The following EHBP1 variants were observed in gnomAD, a reference collection of about 807,000 sequenced individuals.
The protein encoded by EHBP1 is EH domain binding protein 1, also known as EH domain-binding protein 1.
A neutral mutation model predicts 144.0 loss-of-function variants in EHBP1; 55 were observed. The ratio of observed to expected loss-of-function variants is 0.38; its 90% CI spans 0.31 to 0.48. The LOEUF (loss-of-function observed/expected upper bound fraction) is 0.48. Among genes scored for constraint, EHBP1 ranks in the 20% least tolerant of loss-of-function variants. The pLI is 0.98. For missense variants in EHBP1, 1,200 were observed against 1,364.2 expected (o/e 0.88, Z 1.90); for synonymous variants, 469 against 472.7 (o/e 0.99, Z 0.10).
intron 3 of EHBP1, among the ~76,000 whole-genome samples, chr2:62,754,310 G>C (rs1467862605): frequency 1.3e-5 from 2 of 152,132 alleles, no homozygotes; most frequent in African/African-American, 2.4e-5. Flanking sequence ...AACAGCAAAT[G>C]TTGCTGAACA....
intron 14 of EHBP1, among the ~76,000 whole-genome samples, chr2:62,963,875 A>G (rs556603834): frequency 5.9e-5 from 9 of 152,322 alleles, no homozygotes; most frequent in African/African-American, 1.9e-4. Flanking sequence ...TTACTTCAAC[A>G]CAATCACCAA....
chr2:62,715,984 A>G (rs1254174094), intron 2 of EHBP1, among the ~76,000 whole-genome samples: 1 of 152,080 alleles, frequency 6.6e-6, no homozygotes, highest in Admixed American at 6.5e-5. Context: ...TCTTGGAGTA[A>G]GAGAACATCT....
chr2:62,955,542 A>AACTT lies in EHBP1; in HGVS notation c.2344_2347dup (p.Lys783ThrfsTer2). On this transcript the variant is annotated frameshift_variant, in exon 14 of 23. Transcript: ENST00000431489. LOFTEE classifies it high-confidence loss of function. ...CATCGATTGTTATCTAGACAAGAAG[A>AACTT]ACTTAAGGAAAGAGCAAGAGTTCTG... is the stretch of plus-strand genomic sequence containing the variant. 6.2e-7 allele frequency: 1 copy of AACTT among 1,612,398 alleles called. No individual in the cohort carries two copies. The highest frequency in any genetic ancestry group is 8.5e-7 in the Non-Finnish European group (1 of 1,179,056).
chr2:62,891,166 A>C, intron 10 of EHBP1, among the ~76,000 whole-genome samples: 1 of 151,856 alleles, frequency 6.6e-6, no homozygotes, highest in African/African-American at 2.4e-5. Flanking sequence ...GACAAAAAAA[A>C]AAAAAAAAGT....
intron 7 of EHBP1, among the ~76,000 whole-genome samples, chr2:62,845,104 T>C (rs1214488783): frequency 6.6e-6 from 1 of 151,630 alleles, no homozygotes; most frequent in East Asian, 1.9e-4. Flanking sequence ...TTTTTTTTTT[T>C]CCTTTTAATA....
At chr2:62,833,884 G>A (rs1347154209) in intron 7 of EHBP1, among the ~76,000 whole-genome samples, 1 of 152,212 alleles carries the variant, frequency 6.6e-6, no homozygotes, top group Non-Finnish European at 1.5e-5. Flanking sequence ...TAAGAATTTT[G>A]TGATTCATGG....
intron 1 of EHBP1, 50 bp downstream of exon 1, chr2:62,706,102 T>G (rs1010347729): frequency 6.6e-6 from 1 of 152,480 alleles, no homozygotes; most frequent in Non-Finnish European, 1.5e-5. Flanking sequence ...GGGCTCGGGG[T>G]CCGGGCTGGG....
chr2:62,888,377 T>C (rs2052121954), intron 10 of EHBP1, among the ~76,000 whole-genome samples: 2 of 152,196 alleles, frequency 1.3e-5, no homozygotes, highest in Admixed American at 1.3e-4. Flanking sequence ...AAGATAAAAA[T>C]GCTAAATTTT....
In EHBP1 at chr2:62,869,485, T is replaced by C. The variant is rs1383673141; in HGVS notation, c.998+4514T>C. On this transcript the variant is annotated intron_variant, in intron 9 of 22. Coordinates refer to ENST00000431489, the MANE Select transcript of EHBP1 (RefSeq NM_001142616.3). ...TAAAGAGGAACAAACTGTTGGTAAA[T>C]TGCAAGATCATTATACTGAGTGAAA... 2.0e-5 allele frequency among the ~76,000 whole-genome samples: 3 copies of C among 152,182 alleles called. No homozygotes were observed. The East Asian group carries it at 5.8e-4, about 29-fold the overall frequency.
At chr2:62,798,952 C>T (rs533792734) in intron 5 of EHBP1, among the ~76,000 whole-genome samples, 1 of 135,502 alleles carries the variant, frequency 7.4e-6, no homozygotes, top group African/African-American at 2.8e-5. Context: ...TGCAGTGAGC[C>T]GAGATCGTGC....
chr2:62,950,413 T>C (rs2057313148), intron 13 of EHBP1, among the ~76,000 whole-genome samples: 1 of 152,224 alleles, frequency 6.6e-6, no homozygotes. Context: ...CTTTCTTTTA[T>C]ATTGAGATTT....
chr2:62,914,911 T>G (rs1479273632), intron 10 of EHBP1, among the ~76,000 whole-genome samples: 2 of 152,082 alleles, frequency 1.3e-5, no homozygotes, highest in African/African-American at 4.8e-5. Context: ...TGATTTAGCC[T>G]TGTCCAATAA....
At chr2:62,973,486 T>G (rs1158339267) in intron 14 of EHBP1, among the ~76,000 whole-genome samples, 1 of 152,238 alleles carries the variant, frequency 6.6e-6, no homozygotes, top group Non-Finnish European at 1.5e-5. Flanking sequence ...GAAACAGACC[T>G]GAGCTGAACA....
At chr2:62,754,016 G>A (rs1185172029) in intron 3 of EHBP1, among the ~76,000 whole-genome samples, 2 of 152,234 alleles carry the variant, frequency 1.3e-5, no homozygotes, top group Admixed American at 1.3e-4. Flanking sequence ...ATCCGTCCAG[G>A]TTTGTTTCGT....
chr2:63,037,156 C>G (rs2061473045), intron 19 of EHBP1, among the ~76,000 whole-genome samples: 1 of 151,842 alleles, frequency 6.6e-6, no homozygotes, highest in Admixed American at 6.6e-5. Context: ...TCCTGCTAGT[C>G]TTATGAGTCT....
intron 2 of EHBP1, among the ~76,000 whole-genome samples, chr2:62,714,459 A>G (rs563812173): frequency 2.0e-5 from 3 of 152,346 alleles, no homozygotes; most frequent in South Asian, 4.1e-4. Flanking sequence ...TTCTGAAAAC[A>G]TTGAGGTCTG....
chr2:62,972,496 A>G (rs1192802145), intron 14 of EHBP1, among the ~76,000 whole-genome samples: 1 of 152,192 alleles, frequency 6.6e-6, no homozygotes, highest in Non-Finnish European at 1.5e-5. Flanking sequence ...GAACCTGGAG[A>G]CTAATAAACT....
chr2:62,705,288 G>A (rs745497287), upstream of EHBP1, among the ~76,000 whole-genome samples: 19 of 152,084 alleles, frequency 1.2e-4, no homozygotes, highest in Non-Finnish European at 2.5e-4. Context: ...ACTGCCCACA[G>A]CTGCAGCGAA....
At chr2:62,911,809 T>C (rs1004142776) in intron 10 of EHBP1, among the ~76,000 whole-genome samples, 3 of 152,092 alleles carry the variant, frequency 2.0e-5, no homozygotes, top group African/African-American at 7.2e-5. Context: ...TTAGTGAGGA[T>C]TGGAAAAGAA....
Sources: gnomAD v4.1 joint callset for allele counts (sites outside exome capture counted in the v4.1 genomes callset) on GRCh38, gnomAD v4.1.1 for gene constraint, MANE v1.5 for transcripts, NCBI Gene and HGNC (gene_info 2026-07-23, HGNC 2026-07-21) for gene names.